The following CA10 variants were observed in gnomAD, a reference collection of about 807,000 sequenced individuals.
The protein encoded by CA10 is carbonic anhydrase 10 (inactive).
In CA10, 14 loss-of-function variants were observed where a neutral mutation model predicts 44.2. The observed-to-expected ratio is 0.32, with a 90% CI of 0.21 to 0.50. The LOEUF (loss-of-function observed/expected upper bound fraction) is 0.50, where lower values mean the gene tolerates loss of function less well. Among genes scored for constraint, CA10 ranks in the 20% least tolerant of loss-of-function variants. CA10 has a pLI of 0.99. For synonymous variants in CA10, 159 were observed against 141.6 expected (o/e 1.12, Z -0.87); for missense variants, 350 against 409.7 (o/e 0.85, Z 1.26).
rs191648875 is a variant in CA10, at chr17:51,697,964, G to C, written c.466-44228C>G. Among the ~76,000 whole-genome samples the C allele has an allele frequency of 7.8e-3, 1,187 of 152,258 alleles. 5 individuals are homozygous for C. Among genetic ancestry groups the C allele is most frequent in the Non-Finnish European group, 0.013 (876 of 68,012 alleles). On this transcript the variant is annotated intron_variant, in intron 4 of 8. Transcript: ENST00000451037. Reference sequence around the variant, plus strand: ...GACTACTACCCTGATGTCTCCTCCAGTCATTTATAATTGGGGCCCAGGTGG... The same window carrying C: ...GACTACTACCCTGATGTCTCCTCCACTCATTTATAATTGGGGCCCAGGTGG...
chr17:52,118,499 T>G (rs534684788), intron 1 of CA10, among the ~76,000 whole-genome samples: 1 of 152,306 alleles, frequency 6.6e-6, no homozygotes, highest in South Asian at 2.1e-4. Context: ...GAATCAAATT[T>G]CAGCTTCAGG....
At chr17:52,110,486 C>A (rs1988766417) in intron 1 of CA10, among the ~76,000 whole-genome samples, 1 of 152,168 alleles carries the variant, frequency 6.6e-6, no homozygotes, top group Non-Finnish European at 1.5e-5. Context: ...TTGCCCCTAG[C>A]AATTGATGTG....
In CA10 at chr17:52,139,617, A is replaced by G. The variant is rs1209606697; in HGVS notation, c.61+18109T>C. Among the ~76,000 whole-genome samples, 4 of 152,128 alleles carry G rather than the reference A, an allele frequency of 2.6e-5. No homozygotes were observed. The South Asian group carries it at 6.2e-4, about 24-fold the overall frequency. On this transcript the variant is annotated intron_variant, in intron 1 of 8. Transcript: ENST00000451037. ...AGCTTCCTTTTTCTACAAAATGTTGATAATATACTCCCAAACAGACTTGTA... is the reference window on the plus strand; with the variant it reads ...AGCTTCCTTTTTCTACAAAATGTTGGTAATATACTCCCAAACAGACTTGTA...
intron 3 of CA10, among the ~76,000 whole-genome samples, chr17:51,857,142 C>T (rs1256439100): frequency 1.3e-5 from 2 of 152,030 alleles, no homozygotes; most frequent in Admixed American, 1.3e-4. Flanking sequence ...TTTTTATTTA[C>T]CAAAGCATAT....
intron 3 of CA10, among the ~76,000 whole-genome samples, chr17:51,907,386 C>T (rs1221494499): frequency 6.6e-6 from 1 of 152,022 alleles, no homozygotes; most frequent in East Asian, 1.9e-4. Context: ...CCCGGCTGCC[C>T]CATCTAAAAT....
chr17:51,633,533 A>C lies in CA10; in HGVS notation c.907T>G (p.Phe303Val). Residue 303 changes from phenylalanine (F) to valine (V), a missense_variant, in exon 8 of 9, where the codon TTC becomes GTC. By Grantham distance (50) the Phe-to-Val change is conservative. Transcript: ENST00000451037. ...NNRCIRTNIN[F>V]SLQGKDCPNN... is the part of the protein sequence containing the mutation. The stretch of plus-strand genomic sequence containing the variant: ...GGACAGTCCTTCCCCTGTAAACTGA[A>C]GTTGATATTGGTGCGGATGCAGCGG... The C allele has an allele frequency of 6.2e-7, 1 of 1,613,930 alleles. No individual in the cohort carries two copies. Among genetic ancestry groups the C allele is most frequent in the Non-Finnish European group, 8.5e-7 (1 of 1,179,914 alleles).
chr17:52,024,262 G>C (rs1479047659), intron 2 of CA10, among the ~76,000 whole-genome samples: 1 of 152,024 alleles, frequency 6.6e-6, no homozygotes, highest in East Asian at 1.9e-4. Flanking sequence ...TTCTTATACT[G>C]TCATAATCCT....
intron 2 of CA10, among the ~76,000 whole-genome samples, chr17:52,005,791 ATAAT>A (rs1985576584): frequency 6.6e-6 from 1 of 151,918 alleles, no homozygotes; most frequent in Admixed American, 6.6e-5. Context: ...TTGACTTATA[ATAAT>A]TAGTCATATG....
chr17:52,044,997 T>C (rs1320465979), intron 2 of CA10, among the ~76,000 whole-genome samples: 1 of 151,360 alleles, frequency 6.6e-6, no homozygotes, highest in Non-Finnish European at 1.5e-5. Flanking sequence ...TGAACATAAA[T>C]AAAACCACAA....
rs1912538706 is a variant in CA10, at chr17:51,630,838, A to G, written c.*746T>C. On this transcript the variant is annotated 3_prime_UTR_variant, in exon 9 of 9. Transcript: ENST00000451037. Reference sequence around the variant, plus strand: ...CAAACACAATGTATGACCTTTGGAAAACAAGAAACAGCAAATGGATCATTT... The same window carrying G: ...CAAACACAATGTATGACCTTTGGAAGACAAGAAACAGCAAATGGATCATTT... 6.5e-6 allele frequency: 1 copy of G among 152,702 alleles called. No homozygotes were observed. The highest frequency in any genetic ancestry group is 2.1e-4 in the South Asian group (1 of 4,834). 9.5% of individuals were successfully genotyped at this position (152,702 alleles called of 1,614,324 possible). A position where few individuals can be genotyped will look rare whatever the true frequency, so the allele number is the denominator to read the frequency against.
At chr17:51,803,706 T>C (rs996594906) in intron 3 of CA10, among the ~76,000 whole-genome samples, 1 of 152,214 alleles carries the variant, frequency 6.6e-6, no homozygotes, top group African/African-American at 2.4e-5. Flanking sequence ...GATTGGAATA[T>C]TAAATTTTAA....
At chr17:51,663,228 T>TTC (rs1914073542) in intron 4 of CA10, among the ~76,000 whole-genome samples, 1 of 50 alleles carries the variant, frequency 0.02, no homozygotes, top group Non-Finnish European at 0.033. Flanking sequence ...TGGAATGCGT[T>TTC]TCGAGACCAC....
chr17:52,093,705 A>G (rs946895410), intron 1 of CA10, among the ~76,000 whole-genome samples: 3 of 152,078 alleles, frequency 2.0e-5, no homozygotes. Flanking sequence ...TTTTGAATGC[A>G]AGAGACCAGT....
intron 4 of CA10, among the ~76,000 whole-genome samples, chr17:51,733,489 C>A (rs184937467): frequency 6.6e-6 from 1 of 152,160 alleles, no homozygotes; most frequent in Non-Finnish European, 1.5e-5. Context: ...TCAACTTGTT[C>A]TTTAATTAAG....
chr17:52,036,433 G>C (rs2144182951), intron 2 of CA10, among the ~76,000 whole-genome samples: 1 of 152,300 alleles, frequency 6.6e-6, no homozygotes, highest in Admixed American at 6.5e-5. Flanking sequence ...GATACAGTAT[G>C]TAAGACTCCT....
chr17:52,033,930 A>G (rs916933597), intron 2 of CA10, among the ~76,000 whole-genome samples: 1 of 152,238 alleles, frequency 6.6e-6, no homozygotes, highest in Admixed American at 6.5e-5. Context: ...AACAAGCCAG[A>G]TACAAAAATA....
chr17:51,831,710 A>AGCGGCGGCAGCGGCAGCGGCG, intron 3 of CA10, among the ~76,000 whole-genome samples: 3 of 102,806 alleles, frequency 2.9e-5, no homozygotes, highest in Non-Finnish European at 6.8e-5. Flanking sequence ...CAGCAGCAGC[A>AGCGGCGGCAGCGGCAGCGGCG]GCAGCAGCAG....
chr17:51,712,474 G>GA (rs1419950384), intron 4 of CA10, among the ~76,000 whole-genome samples: 4 of 152,146 alleles, frequency 2.6e-5, no homozygotes, highest in Non-Finnish European at 4.4e-5. Flanking sequence ...AAAAATTTCA[G>GA]AAAAGCTGAA....
intron 3 of CA10, among the ~76,000 whole-genome samples, chr17:51,830,195 C>CAAAAAAAAAAAAAAAA (rs1220410518): frequency 1.9e-4 from 17 of 89,884 alleles, no homozygotes; most frequent in Non-Finnish European, 2.5e-4. Context: ...GACTCCATCT[C>CAAAAAAAAAAAAAAAA]AAAAAAAAAA....
Sources: gnomAD v4.1 joint callset for allele counts (sites outside exome capture counted in the v4.1 genomes callset) on GRCh38, gnomAD v4.1.1 for gene constraint, MANE v1.5 for transcripts, NCBI Gene and HGNC (gene_info 2026-07-23, HGNC 2026-07-21) for gene names.